Variants in MRPS6 observed in about 807,000 individuals in gnomAD.
MRPS6 encodes mitochondrial ribosomal protein S6.
A neutral mutation model predicts 13.1 loss-of-function variants in MRPS6; 6 were observed. That is an observed-to-expected ratio of 0.46 (90% CI 0.25 to 0.91). The LOEUF (loss-of-function observed/expected upper bound fraction) is 0.91, where lower values mean the gene tolerates loss of function less well. MRPS6 is among the 40% of genes least tolerant of loss of function. The pLI is 0.18. For missense variants in MRPS6, 164 were observed against 155.6 expected, an observed-to-expected ratio of 1.05 and a Z score of -0.29; for synonymous variants, 61 against 56.5, an observed-to-expected ratio of 1.08 and a Z score of -0.36.
intron 1 of MRPS6, among the ~76,000 whole-genome samples, chr21:34,086,879 G>A (rs1226712836): frequency 6.6e-6 from 1 of 152,158 alleles, no homozygotes; most frequent in Non-Finnish European, 1.5e-5. Context: ...GTTTCTGTTG[G>A]GTGAGCTGAA....
chr21:34,086,752 G>A lies in MRPS6; in HGVS notation c.45+13007G>A, dbSNP rs140659555. ...GTGTAAAAATAGTGGTTGGCACATG[G>A]TGTTTGGTAAATGCTAGTTACTAAG... On this transcript the variant is annotated intron_variant, in intron 1 of 2. Coordinates refer to ENST00000399312, the MANE Select transcript of MRPS6 (RefSeq NM_032476.4). Among the ~76,000 whole-genome samples, 1,004 of 152,272 alleles carry A rather than the reference G, an allele frequency of 6.6e-3. 9 individuals are homozygous for A. The highest frequency in any genetic ancestry group is 0.014 in the Middle Eastern group (4 of 294).
chr21:34,097,992 C>CT (rs201745004), intron 1 of MRPS6: 31,989 of 627,758 alleles, frequency 0.051, 57 homozygotes, highest in South Asian at 0.14. Flanking sequence ...GTTCCAGTTC[C>CT]TTTTTTTTTT....
chr21:34,131,109 C>A (rs758029837), intron 2 of MRPS6, among the ~76,000 whole-genome samples: 17 of 152,136 alleles, frequency 1.1e-4, no homozygotes, highest in Non-Finnish European at 1.9e-4. Flanking sequence ...CTTATTGATT[C>A]AATCACCAAG....
At chr21:34,128,882 G>C (rs887452901) in intron 2 of MRPS6, among the ~76,000 whole-genome samples, 1 of 152,306 alleles carries the variant, frequency 6.6e-6, no homozygotes, top group African/African-American at 2.4e-5. Flanking sequence ...CAATATCTCA[G>C]CCCTCTAACT....
rs1281690286 is a variant in MRPS6 at position 34,073,736 on chromosome 21, C to T, written c.36C>T (p.Ala12=). The T allele has an allele frequency of 1.3e-6, 2 of 1,528,440 alleles. No homozygotes were observed. Among genetic ancestry groups the T allele is most frequent in the Non-Finnish European group, 1.8e-6 (2 of 1,133,032 alleles). 94.7% of individuals were successfully genotyped at this position (1,528,440 alleles called of 1,614,324 possible). The change falls in exon 1 of 3, where the codon GCC becomes GCT. Residue 12 remains alanine (A), a synonymous_variant. Transcript: ENST00000399312. ...PRYELALILK[A]MQRPETAATL... Reference sequence around the variant, plus strand: ...ACGAGCTGGCTTTAATCCTGAAAGCCATGCAGCGGGTAAGTGACCTTCCCT... The same window carrying T: ...ACGAGCTGGCTTTAATCCTGAAAGCTATGCAGCGGGTAAGTGACCTTCCCT...
At chr21:34,078,719 C>G (rs1447776389) in intron 1 of MRPS6, among the ~76,000 whole-genome samples, 1 of 151,884 alleles carries the variant, frequency 6.6e-6, no homozygotes, top group East Asian at 1.9e-4. Flanking sequence ...CTAAAAGAAA[C>G]CTGGAATACC....
intron 2 of MRPS6, 71 bp downstream of exon 2, chr21:34,125,551 T>C: frequency 6.4e-7 from 1 of 1,559,052 alleles, no homozygotes; most frequent in Non-Finnish European, 8.6e-7. Flanking sequence ...CAATTACTAT[T>C]AGAAGTTCTT....
intron 1 of MRPS6, among the ~76,000 whole-genome samples, chr21:34,116,097 T>A (rs1456218536): frequency 2.0e-5 from 3 of 151,810 alleles, no homozygotes; most frequent in Admixed American, 6.6e-5. Context: ...AGCCTCATCT[T>A]CCCTAGCCTC....
rs371111083 is a variant in MRPS6, at chr21:34,142,625, A to G, written c.*25A>G. ...AGAAGATTCGCCAGATTTTAGCCTT[A>G]TATGTAATTCCTTCACATTTGGGCA... On this transcript the variant is annotated 3_prime_UTR_variant, in exon 3 of 3. Coordinates refer to ENST00000399312, the MANE Select transcript of MRPS6 (RefSeq NM_032476.4). 3 of 1,573,342 alleles carry G rather than the reference A, an allele frequency of 1.9e-6. No homozygotes were observed. The highest frequency in any genetic ancestry group is 2.6e-6 in the Non-Finnish European group (3 of 1,163,128).
At chr21:34,133,369 G>A (rs908385805) in intron 2 of MRPS6, among the ~76,000 whole-genome samples, 2 of 152,176 alleles carry the variant, frequency 1.3e-5, no homozygotes, top group African/African-American at 4.8e-5. Flanking sequence ...GATGAGAATT[G>A]ATTAGTGGGC....
In MRPS6 at chr21:34,096,730, A is replaced by G; in HGVS notation, c.45+22985A>G. The stretch of plus-strand genomic sequence containing the variant: ...CCGGGCTTCATCAAAGACATCCATT[A>G]TATGTATGTGGCCACAGGATTGTTT... On this transcript the variant is annotated intron_variant, in intron 1 of 2. Coordinates refer to ENST00000399312, the MANE Select transcript of MRPS6 (RefSeq NM_032476.4). This position sits in a 1 kb window ranked among gnomAD's most constrained non-coding sequence, Gnocchi z 5.9. 2 of 1,614,076 alleles carry G rather than the reference A, an allele frequency of 1.2e-6. No individual in the cohort carries two copies. The highest frequency in any genetic ancestry group is 1.7e-6 in the Non-Finnish European group (2 of 1,179,984).
intron 1 of MRPS6, among the ~76,000 whole-genome samples, chr21:34,109,798 G>T (rs1979626007): frequency 6.6e-6 from 1 of 150,892 alleles, no homozygotes; most frequent in Admixed American, 6.6e-5. Context: ...TTCTTGTAAG[G>T]TTGTACCTGA....
intron 1 of MRPS6, among the ~76,000 whole-genome samples, chr21:34,091,885 G>T (rs895770259): frequency 6.6e-6 from 1 of 151,622 alleles, no homozygotes; most frequent in Non-Finnish European, 1.5e-5. Flanking sequence ...GACTACCAAG[G>T]AACCCACCTA....
chr21:34,105,089 A>AT (rs992161123), intron 1 of MRPS6: 8 of 999,610 alleles, frequency 8.0e-6, no homozygotes, highest in African/African-American at 5.2e-5. Context: ...CAAAAGCTTT[A>AT]TTTTTTTTAA....
At chr21:34,078,406 G>A (rs2148651987) in intron 1 of MRPS6, among the ~76,000 whole-genome samples, 1 of 152,208 alleles carries the variant, frequency 6.6e-6, no homozygotes, top group Non-Finnish European at 1.5e-5. Context: ...ATGGCTTGGG[G>A]GTAAGGAGTC....
chr21:34,105,484 A>T (rs1979436492), intron 1 of MRPS6: 1 of 999,812 alleles, frequency 1.0e-6, no homozygotes, highest in East Asian at 1.1e-4. Context: ...AGTAATTTTG[A>T]TATGTAAGTA....
At chr21:34,130,120 A>G (rs944798101) in intron 2 of MRPS6, among the ~76,000 whole-genome samples, 62 of 138,164 alleles carry the variant, frequency 4.5e-4, no homozygotes, top group African/African-American at 1.6e-3. Context: ...CCCCTCCCCC[A>G]TCCCCCCACC....
chr21:34,073,850 C>A, intron 1 of MRPS6, 105 bp downstream of exon 1: 2 of 739,586 alleles, frequency 2.7e-6, no homozygotes, highest in Non-Finnish European at 3.7e-6. Context: ...GGCCTTCCTG[C>A]ACTCCTCGGA....
At chr21:34,088,267 G>A (rs2148656427) in intron 1 of MRPS6, among the ~76,000 whole-genome samples, 1 of 152,198 alleles carries the variant, frequency 6.6e-6, no homozygotes, top group East Asian at 1.9e-4. Flanking sequence ...TTCCCCTTCT[G>A]GTGGAATGAC....
Sources: gnomAD v4.1 joint callset for allele counts (sites outside exome capture counted in the v4.1 genomes callset) on GRCh38, gnomAD v4.1.1 for gene constraint, Gnocchi (gnomAD v3.1) non-coding constraint, MANE v1.5 for transcripts, NCBI Gene and HGNC (gene_info 2026-07-23, HGNC 2026-07-21) for gene names.